The following KCNB2 variants were observed in gnomAD, a reference collection of about 807,000 sequenced individuals.
KCNB2 encodes potassium voltage-gated channel subfamily B member 2, also known as delayed rectifier potassium channel protein.
Under a neutral mutation model 61.5 loss-of-function variants are expected in KCNB2, and 15 were observed. That is an observed-to-expected ratio of 0.24 (90% CI 0.16 to 0.38). The LOEUF (loss-of-function observed/expected upper bound fraction) is 0.38. Ranked by LOEUF, KCNB2 falls within the 10% of genes least tolerant of loss-of-function variation. The pLI, the probability that KCNB2 is intolerant of heterozygous loss-of-function variation, is 1.00. For synonymous variants in KCNB2, 457 were observed against 446.0 expected, an observed-to-expected ratio of 1.02 and a Z score of -0.31; for missense variants, 828 against 1,125.2, an observed-to-expected ratio of 0.74 and a Z score of 3.78.
At chr8:72,767,745 C>T (rs1808484074) in intron 2 of KCNB2, among the ~76,000 whole-genome samples, 1 of 152,192 alleles carries the variant, frequency 6.6e-6, no homozygotes, top group South Asian at 2.1e-4. Flanking sequence ...AGTGGAATTA[C>T]TAGGTCACAT....
intron 2 of KCNB2, among the ~76,000 whole-genome samples, chr8:72,898,962 AG>A (rs1222003735): frequency 3.3e-5 from 5 of 152,140 alleles, no homozygotes; most frequent in Non-Finnish European, 7.3e-5. Flanking sequence ...TTTCACTGCA[AG>A]GGACGTGATT....
chr8:72,759,354 G>T (rs1808341165), intron 2 of KCNB2, among the ~76,000 whole-genome samples: 1 of 152,108 alleles, frequency 6.6e-6, no homozygotes, highest in Non-Finnish European at 1.5e-5. Flanking sequence ...ATCTTAATGG[G>T]AATTTATGAT....
rs150671612 is a variant in KCNB2 at position 72,827,752 on chromosome 8, T to G, written c.580-108183T>G. 3.4e-3 allele frequency among the ~76,000 whole-genome samples: 525 copies of G among 152,178 alleles called. 5 individuals carry two copies. The highest frequency in any genetic ancestry group is 0.012 in the African/African-American group (499 of 41,538). On this transcript the variant is annotated intron_variant, in intron 2 of 2. Coordinates refer to ENST00000523207, the MANE Select transcript of KCNB2 (RefSeq NM_004770.3). ...GCAATCATATAGAAAAAGAGAAAGGTTGATGTAAGGGATAATATGAAATAT... is the reference window on the plus strand; with the variant it reads ...GCAATCATATAGAAAAAGAGAAAGGGTGATGTAAGGGATAATATGAAATAT...
At chr8:72,630,124 A>C (rs966578112) in intron 2 of KCNB2, among the ~76,000 whole-genome samples, 1 of 152,144 alleles carries the variant, frequency 6.6e-6, no homozygotes, top group Non-Finnish European at 1.5e-5. Flanking sequence ...TCTCTTTCCT[A>C]CTTAACATTC....
At chr8:72,910,595 G>T (rs1376567207) in intron 2 of KCNB2, among the ~76,000 whole-genome samples, 1 of 152,170 alleles carries the variant, frequency 6.6e-6, no homozygotes, top group African/African-American at 2.4e-5. Context: ...GAAGTGGTCA[G>T]TGGAGTAAAA....
At chr8:72,539,737 C>T (rs1223690235) in intron 1 of KCNB2, among the ~76,000 whole-genome samples, 7 of 152,234 alleles carry the variant, frequency 4.6e-5, no homozygotes, top group Non-Finnish European at 8.8e-5. Flanking sequence ...TCCATGCATC[C>T]GTTGAAACTA....
chr8:72,684,302 T>G (rs1316927020), intron 2 of KCNB2, among the ~76,000 whole-genome samples: 1 of 152,194 alleles, frequency 6.6e-6, no homozygotes, highest in Non-Finnish European at 1.5e-5. Context: ...GATGTTCCCC[T>G]GGGACATCTG....
At chr8:72,918,771 G>C (rs561401638) in intron 2 of KCNB2, among the ~76,000 whole-genome samples, 10 of 152,316 alleles carry the variant, frequency 6.6e-5, no homozygotes, top group East Asian at 3.9e-4. Flanking sequence ...ATGTGGTGCA[G>C]CTGGCCAGTG....
intron 2 of KCNB2, among the ~76,000 whole-genome samples, chr8:72,745,223 A>G (rs1808038242): frequency 6.6e-6 from 1 of 152,240 alleles, no homozygotes; most frequent in African/African-American, 2.4e-5. Context: ...AGTTTTTTTA[A>G]TCCTAAAAAT....
intron 2 of KCNB2, among the ~76,000 whole-genome samples, chr8:72,687,540 G>C (rs1023461095): frequency 7.9e-5 from 12 of 152,026 alleles, no homozygotes; most frequent in African/African-American, 2.7e-4. Context: ...CACAACGATG[G>C]AACTCATAAA....
At chr8:72,631,377 G>A (rs7839710) in intron 2 of KCNB2, among the ~76,000 whole-genome samples, 34 of 152,128 alleles carry the variant, frequency 2.2e-4, no homozygotes, top group African/African-American at 7.7e-4. Flanking sequence ...CTCTCCTAGC[G>A]TCTGGTGGTT....
intron 2 of KCNB2, among the ~76,000 whole-genome samples, chr8:72,874,127 C>T (rs1023104002): frequency 2.6e-5 from 4 of 152,264 alleles, no homozygotes; most frequent in Middle Eastern, 6.8e-3. Context: ...TATTTGCTCT[C>T]GTATCAGTTG....
In KCNB2 at chr8:72,566,990, G is replaced by C. The variant is rs563335016; in HGVS notation, c.-93-652G>C. Among the ~76,000 whole-genome samples, 19 of 152,092 alleles carry C rather than the reference G, an allele frequency of 1.2e-4. No individual in the cohort carries two copies. The South Asian group carries it at 3.7e-3, about 30-fold the overall frequency. On this transcript the variant is annotated intron_variant, in intron 1 of 2. Coordinates refer to ENST00000523207, the MANE Select transcript of KCNB2 (RefSeq NM_004770.3). Reference sequence around the variant, plus strand: ...AACTGGTTGGGCAGACTGGCACCTTGGTCAGTTTAGCTTAAGATGTCTGTG... The same window carrying C: ...AACTGGTTGGGCAGACTGGCACCTTCGTCAGTTTAGCTTAAGATGTCTGTG...
intron 1 of KCNB2, among the ~76,000 whole-genome samples, chr8:72,539,815 C>A (rs1806164800): frequency 6.6e-6 from 1 of 152,186 alleles, no homozygotes; most frequent in South Asian, 2.1e-4. Context: ...ACTGAATATT[C>A]AGAGGAGTTA....
At position 72,537,258 on chromosome 8, in the gene KCNB2, CG is replaced by C. The variant is rs1289660719; in HGVS notation, c.-717del. ...GTGTGCGCGCCGGGCCGGCTAGCTG[CG>C]GGGCGGGGGAGCGGCGCCCCAGAGC... On this transcript the variant is annotated 5_prime_UTR_variant, in exon 1 of 3. Coordinates refer to ENST00000523207, the MANE Select transcript of KCNB2 (RefSeq NM_004770.3). 2.0e-5 allele frequency: 3 copies of C among 151,472 alleles called. No homozygotes were observed. The highest frequency in any genetic ancestry group is 3.0e-5 in the Non-Finnish European group (2 of 67,720). 9.4% of individuals were successfully genotyped at this position (151,472 alleles called of 1,614,324 possible).
intron 2 of KCNB2, among the ~76,000 whole-genome samples, chr8:72,598,830 G>A (rs1451106169): frequency 1.3e-5 from 2 of 152,148 alleles, no homozygotes; most frequent in Non-Finnish European, 2.9e-5. Context: ...CAAATCATGA[G>A]TGAACTCCCA....
chr8:72,538,849 G>A (rs1005026173), intron 1 of KCNB2, among the ~76,000 whole-genome samples: 3 of 152,188 alleles, frequency 2.0e-5, no homozygotes, highest in African/African-American at 7.2e-5. Context: ...TGTTAAATGT[G>A]TAGTATAGTG....
At chr8:72,714,577 G>C (rs1008455119) in intron 2 of KCNB2, among the ~76,000 whole-genome samples, 9 of 152,078 alleles carry the variant, frequency 5.9e-5, no homozygotes, top group Non-Finnish European at 1.0e-4. Flanking sequence ...ATAAGTGAAG[G>C]AGAAATAAAA....
chr8:72,747,349 G>A (rs187659255), intron 2 of KCNB2, among the ~76,000 whole-genome samples: 36 of 152,306 alleles, frequency 2.4e-4, no homozygotes, highest in African/African-American at 7.9e-4. Context: ...TGGACAGTGA[G>A]TGGCCCAGAT....
Sources: gnomAD v4.1 joint callset for allele counts (sites outside exome capture counted in the v4.1 genomes callset) on GRCh38, gnomAD v4.1.1 for gene constraint, MANE v1.5 for transcripts, NCBI Gene and HGNC (gene_info 2026-07-23, HGNC 2026-07-21) for gene names.